The following SLC6A11 variants were observed in gnomAD, a reference collection of about 807,000 sequenced individuals.
The protein encoded by SLC6A11 is solute carrier family 6 member 11.
SLC6A11 carries 25 observed loss-of-function variants against 74.8 expected under a neutral mutation model. That is an observed-to-expected ratio of 0.33 (90% CI 0.24 to 0.47). SLC6A11 has a LOEUF of 0.47. Among genes scored for constraint, SLC6A11 ranks in the 20% least tolerant of loss-of-function variants. SLC6A11 has a pLI of 1.00. For missense variants in SLC6A11, 574 were observed against 837.0 expected, an observed-to-expected ratio of 0.69 and a Z score of 3.88; for synonymous variants, 330 against 330.2, an observed-to-expected ratio of 1.00 and a Z score of 0.01.
At chr3:10,832,641 T>C (rs1387843988) in intron 4 of SLC6A11, among the ~76,000 whole-genome samples, 1 of 152,230 alleles carries the variant, frequency 6.6e-6, no homozygotes, top group African/African-American at 2.4e-5. Context: ...GAGAGAACTC[T>C]GTTCACAATT....
chr3:10,867,542 C>T (rs1325940625), intron 5 of SLC6A11, among the ~76,000 whole-genome samples: 1 of 152,172 alleles, frequency 6.6e-6, no homozygotes, highest in Non-Finnish European at 1.5e-5. Flanking sequence ...AAGGTTCAAC[C>T]CAAATCCGTG....
chr3:10,865,126 G>T (rs1236966859), intron 5 of SLC6A11, among the ~76,000 whole-genome samples: 3 of 152,252 alleles, frequency 2.0e-5, no homozygotes, highest in African/African-American at 7.2e-5. Flanking sequence ...GTGATGGTGA[G>T]TAAAGACAGT....
chr3:10,910,202 C>T (rs1872392), intron 6 of SLC6A11, among the ~76,000 whole-genome samples: 92,610 of 151,968 alleles, frequency 0.61, 28,921 homozygotes, highest in African/African-American at 0.72. Context: ...GGTTCAGAGG[C>T]GGCATTATGA....
chr3:10,873,807 GCTATC>G (rs1216313078), intron 5 of SLC6A11, among the ~76,000 whole-genome samples: 50 of 131,934 alleles, frequency 3.8e-4, no homozygotes, highest in African/African-American at 1.2e-3. Flanking sequence ...CCTATCCTAT[GCTATC>G]CTATCCTATC....
At chr3:10,891,684 C>T (rs1038496737) in intron 6 of SLC6A11, among the ~76,000 whole-genome samples, 5 of 152,194 alleles carry the variant, frequency 3.3e-5, no homozygotes, top group African/African-American at 9.7e-5. Flanking sequence ...GGATATGGCT[C>T]ACCCAAGGCC....
In SLC6A11 at chr3:10,918,267, G is replaced by A. The variant is rs565408542; in HGVS notation, c.996-62G>A. 8.2e-4 allele frequency: 1,221 copies of A among 1,481,822 alleles called. 2 individuals are homozygous for A. The highest frequency in any genetic ancestry group is 1.0e-3 in the Non-Finnish European group (1,163 of 1,117,576). The allele number at this position is 1,481,822 out of a possible 1,614,324, so 91.8% of individuals were successfully genotyped here. ...CAGCCATGGTGCTCGGGTGGAGAACGTTTGAGCCGTGCACCGGTTCTGCCC... is the reference window on the plus strand; with the variant it reads ...CAGCCATGGTGCTCGGGTGGAGAACATTTGAGCCGTGCACCGGTTCTGCCC... On this transcript the variant is annotated intron_variant, in intron 7 of 13. Coordinates refer to ENST00000254488, the MANE Select transcript of SLC6A11 (RefSeq NM_014229.3). The surrounding 1 kb of genome is among the most constrained non-coding windows in gnomAD (Gnocchi z 4.5).
intron 13 of SLC6A11, among the ~76,000 whole-genome samples, chr3:10,936,988 A>T (rs1051731740): frequency 2.0e-5 from 3 of 152,018 alleles, no homozygotes. Context: ...GGCCCTCCTT[A>T]CCGAGAGTCC....
intron 4 of SLC6A11, among the ~76,000 whole-genome samples, chr3:10,839,730 G>A (rs1310216521): frequency 6.6e-6 from 1 of 152,228 alleles, no homozygotes; most frequent in East Asian, 1.9e-4. Flanking sequence ...TCTGGGCATT[G>A]CAGCAACCTG....
chr3:10,909,128 A>T (rs1452322058), intron 6 of SLC6A11, among the ~76,000 whole-genome samples: 5 of 150,782 alleles, frequency 3.3e-5, no homozygotes, highest in Non-Finnish European at 7.4e-5. Flanking sequence ...AAAAAAAAAA[A>T]GTGTCCCATT....
intron 6 of SLC6A11, among the ~76,000 whole-genome samples, chr3:10,899,212 A>G (rs1695207579): frequency 6.6e-6 from 1 of 152,192 alleles, no homozygotes; most frequent in Admixed American, 6.5e-5. Context: ...TCCTCTCTGC[A>G]TCTCCGACTG....
Position 10,844,354 on chromosome 3 carries a change from G to A in SLC6A11, c.756+8G>A. 6.2e-7 allele frequency: 1 copy of A among 1,614,148 alleles called. No individual in the cohort carries two copies. Among genetic ancestry groups the A allele is most frequent in the Non-Finnish European group, 8.5e-7 (1 of 1,180,012 alleles). On this transcript the variant is annotated splice_region_variant and intron_variant, in intron 5 of 13. Transcript: ENST00000254488. The stretch of plus-strand genomic sequence containing the variant: ...ACCAAGTCTACAGGAAAGGTAAGAG[G>A]TCGATCTTCAAGCAGCTAACCGTGG...
chr3:10,902,527 G>A (rs1295414947), intron 6 of SLC6A11, among the ~76,000 whole-genome samples: 1 of 152,222 alleles, frequency 6.6e-6, no homozygotes, highest in African/African-American at 2.4e-5. Context: ...GATGGTACCA[G>A]GTACTCCACT....
At position 10,918,643 on chromosome 3, in the gene SLC6A11, C is replaced by G. The variant is rs1695492247; in HGVS notation, c.1120+190C>G. Among the ~76,000 whole-genome samples the G allele has an allele frequency of 6.6e-6, 1 of 152,126 alleles. No homozygotes were observed. The highest frequency in any genetic ancestry group is 2.4e-5 in the African/African-American group (1 of 41,442). ...GGAGGAAAGTCTCGACACCTCCTCC[C>G]TCCCAAATCCAAGGCATCCCCGAGT... is the stretch of plus-strand genomic sequence containing the variant. On this transcript the variant is annotated intron_variant, in intron 8 of 13. Transcript: ENST00000254488. The surrounding 1 kb of genome is among the most constrained non-coding windows in gnomAD (Gnocchi z 4.5).
At chr3:10,916,894 T>C (rs1419309615) in intron 7 of SLC6A11, among the ~76,000 whole-genome samples, 1 of 152,214 alleles carries the variant, frequency 6.6e-6, no homozygotes, top group Non-Finnish European at 1.5e-5. Context: ...CAATGCTCTC[T>C]CTACTTTACC....
At chr3:10,929,416 G>A (rs545598170) in intron 10 of SLC6A11, 77 bp downstream of exon 10, 5 of 1,534,874 alleles carry the variant, frequency 3.3e-6, no homozygotes, top group East Asian at 4.5e-5. Flanking sequence ...GTGACCAGCT[G>A]TGTGACCCGG....
At chr3:10,893,397 A>T (rs1057188705) in intron 6 of SLC6A11, among the ~76,000 whole-genome samples, 5 of 152,172 alleles carry the variant, frequency 3.3e-5, no homozygotes, top group Non-Finnish European at 7.3e-5. Flanking sequence ...TGCTCAGATG[A>T]ATCTGTGAAT....
At chr3:10,834,260 G>A (rs576325532) in intron 4 of SLC6A11, among the ~76,000 whole-genome samples, 3 of 152,244 alleles carry the variant, frequency 2.0e-5, no homozygotes, top group South Asian at 4.2e-4. Flanking sequence ...TCAGCTGCCT[G>A]CTTTATCCCA....
At chr3:10,875,958 C>G (rs768875721) in intron 6 of SLC6A11, among the ~76,000 whole-genome samples, 38 of 152,200 alleles carry the variant, frequency 2.5e-4, no homozygotes, top group Non-Finnish European at 4.3e-4. Context: ...CTAGGTCATT[C>G]TAGTGTGTGA....
intron 6 of SLC6A11, among the ~76,000 whole-genome samples, chr3:10,884,661 G>A (rs1448997971): frequency 2.0e-5 from 3 of 152,116 alleles, no homozygotes; most frequent in South Asian, 2.1e-4. Context: ...CTGGCATTCC[G>A]GCTCTGGAAT....
Sources: gnomAD v4.1 joint callset for allele counts (sites outside exome capture counted in the v4.1 genomes callset) on GRCh38, gnomAD v4.1.1 for gene constraint, Gnocchi (gnomAD v3.1) non-coding constraint, MANE v1.5 for transcripts, NCBI Gene and HGNC (gene_info 2026-07-23, HGNC 2026-07-21) for gene names.